HDAC4: variants seen among roughly 807,000 people sequenced by gnomAD.
HDAC4 encodes histone deacetylase A.
A neutral mutation model predicts 135.1 loss-of-function variants in HDAC4; 16 were observed. The observed-to-expected ratio is 0.12, with a 90% CI of 0.08 to 0.18. HDAC4 has a LOEUF of 0.18. Among genes scored for constraint, HDAC4 ranks in the 10% least tolerant of loss-of-function variants. The pLI is 1.00. For synonymous variants in HDAC4, 685 were observed against 653.4 expected (o/e 1.05, Z -0.74); for missense variants, 1,143 against 1,511.8 (o/e 0.76, Z 4.05).
intron 9 of HDAC4, among the ~76,000 whole-genome samples, chr2:239,135,754 C>A (rs1322154948): frequency 1.3e-5 from 2 of 152,214 alleles, no homozygotes; most frequent in Non-Finnish European, 2.9e-5. Flanking sequence ...TGCGGCTTCC[C>A]CGACACCTTG....
At chr2:239,221,440 A>G (rs1264994437) in intron 3 of HDAC4, among the ~76,000 whole-genome samples, 2 of 152,222 alleles carry the variant, frequency 1.3e-5, no homozygotes, top group Non-Finnish European at 2.9e-5. Flanking sequence ...AAAACAAAAA[A>G]GACAGGAGTG....
chr2:239,124,637 C>T lies in HDAC4; in HGVS notation c.1533+1819G>A, dbSNP rs1331912202. On this transcript the variant is annotated intron_variant, in intron 12 of 26. Transcript: ENST00000543185. ...ATTCCGGCGTGCCGGCATGTGGCCG[C>T]ACATCATTCCACGTTATATGACATT... is the stretch of plus-strand genomic sequence containing the variant. Among the ~76,000 whole-genome samples the T allele has an allele frequency of 9.6e-4, 39 of 40,642 alleles. 1 individual carries two copies. The highest frequency in any genetic ancestry group is 4.0e-3 in the African/African-American group (37 of 9,206). 26.7% of individuals were successfully genotyped at this position (40,642 alleles called of 152,430 possible).
At chr2:239,225,609 C>T (rs566992090) in intron 3 of HDAC4, among the ~76,000 whole-genome samples, 6 of 152,186 alleles carry the variant, frequency 3.9e-5, no homozygotes, top group East Asian at 3.9e-4. Context: ...GAAGGCAGGT[C>T]GGCAGGGGAG....
chr2:239,338,393 T>C (rs1178568984), intron 2 of HDAC4, among the ~76,000 whole-genome samples: 2 of 152,014 alleles, frequency 1.3e-5, no homozygotes, highest in Non-Finnish European at 1.5e-5. Flanking sequence ...AAAATCCCTA[T>C]TACAGGAGGC....
intron 2 of HDAC4, among the ~76,000 whole-genome samples, chr2:239,342,373 AAAAGAAAAAACTCCCCC>A (rs1293283463): frequency 6.6e-6 from 1 of 152,210 alleles, no homozygotes; most frequent in Non-Finnish European, 1.5e-5. Context: ...TTGTATACAG[AAAAGAAAAAACTCCCCC>A]AGTTAATGAC....
rs189270704 is a variant in HDAC4 at position 239,107,844 on chromosome 2, G to A, written c.2112+206C>T. On this transcript the variant is annotated intron_variant, in intron 15 of 26. Coordinates refer to ENST00000543185, the MANE Select transcript of HDAC4 (RefSeq NM_001378414.1). ...CAGCAGCTTCCTGCAGGGAGGGTAC[G>A]GGACTCCAGGGAGACAGCCCCGGGC... Among the ~76,000 whole-genome samples the A allele has an allele frequency of 3.7e-3, 562 of 152,324 alleles. 7 individuals carry two copies. Among genetic ancestry groups the A allele is most frequent in the African/African-American group, 0.013 (534 of 41,562 alleles).
chr2:239,120,331 A>C (rs1318408417), intron 12 of HDAC4, among the ~76,000 whole-genome samples: 2 of 152,102 alleles, frequency 1.3e-5, no homozygotes, highest in Admixed American at 1.3e-4. Context: ...CAGGGAGGCC[A>C]CAGAGGCTCA....
chr2:239,147,712 A>G (rs1375248903), intron 7 of HDAC4, among the ~76,000 whole-genome samples: 2 of 152,276 alleles, frequency 1.3e-5, no homozygotes, highest in Non-Finnish European at 2.9e-5. Flanking sequence ...GAAGGATGCC[A>G]ACTGTACTTC....
intron 8 of HDAC4, among the ~76,000 whole-genome samples, chr2:239,143,037 G>A (rs768140551): frequency 6.6e-5 from 10 of 152,260 alleles, no homozygotes; most frequent in South Asian, 6.2e-4. Flanking sequence ...CACTGATCAC[G>A]CCCTGTCACG....
At chr2:239,339,053 T>A (rs1692126019) in intron 2 of HDAC4, among the ~76,000 whole-genome samples, 1 of 152,244 alleles carries the variant, frequency 6.6e-6, no homozygotes, top group Non-Finnish European at 1.5e-5. Flanking sequence ...AAATACAGAA[T>A]CTGGCTTTGA....
chr2:239,121,000 C>CTTT lies in HDAC4; in HGVS notation c.1533+5453_1533+5455dup, dbSNP rs34226161. ...TCTTCTGATGCTTTCCTTTAAATTTCTTTTTTTTTTTTTTTGAGACAGGGT... is the reference window on the plus strand; with the variant it reads ...TCTTCTGATGCTTTCCTTTAAATTTCTTTTTTTTTTTTTTTTTTGAGACAGGGT... On this transcript the variant is annotated intron_variant, in intron 12 of 26. Coordinates refer to ENST00000543185, the MANE Select transcript of HDAC4 (RefSeq NM_001378414.1). Among the ~76,000 whole-genome samples the CTTT allele has an allele frequency of 1.6e-3, 226 of 144,780 alleles. 2 individuals carry two copies. Among genetic ancestry groups the CTTT allele is most frequent in the African/African-American group, 4.5e-3 (174 of 38,614 alleles). 95.0% of individuals were successfully genotyped at this position (144,780 alleles called of 152,430 possible).
intron 17 of HDAC4, chr2:239,094,023 G>C: frequency 1.0e-6 from 1 of 985,420 alleles, no homozygotes; most frequent in Non-Finnish European, 1.2e-6. Context: ...AAACAATTTT[G>C]TTTCATTTCC....
intron 1 of HDAC4, among the ~76,000 whole-genome samples, chr2:239,377,868 C>G (rs1004676142): frequency 1.3e-5 from 2 of 152,300 alleles, no homozygotes; most frequent in Middle Eastern, 3.4e-3. Flanking sequence ...CCGCCACCTT[C>G]TGCTGGGACT....
intron 3 of HDAC4, among the ~76,000 whole-genome samples, chr2:239,212,356 C>T (rs1371844064): frequency 1.3e-5 from 2 of 151,854 alleles, no homozygotes; most frequent in Non-Finnish European, 1.5e-5. Context: ...GGCACTGACC[C>T]GACTCCCTCA....
intron 2 of HDAC4, among the ~76,000 whole-genome samples, chr2:239,329,150 C>T (rs541045756): frequency 3.9e-5 from 6 of 152,046 alleles, no homozygotes; most frequent in Non-Finnish European, 7.4e-5. Flanking sequence ...CCACATCCCC[C>T]CCAGTGCAGC....
Position 239,068,750 on chromosome 2 carries a change from G to T in HDAC4, c.2751-143C>A. Reference sequence around the variant, plus strand: ...GCGGGCTGAGGGCTCCACACAGCAGGCTGGAATCTGGCGACCACGCTTAAT... The same window carrying T: ...GCGGGCTGAGGGCTCCACACAGCAGTCTGGAATCTGGCGACCACGCTTAAT... On this transcript the variant is annotated intron_variant, in intron 22 of 26. Transcript: ENST00000543185. This position sits in a 1 kb window ranked among gnomAD's most constrained non-coding sequence, Gnocchi z 4.4. 1 of 755,398 alleles carries T rather than the reference G, an allele frequency of 1.3e-6. No individual in the cohort carries two copies. The highest frequency in any genetic ancestry group is 2.4e-6 in the Non-Finnish European group (1 of 418,898). The allele number at this position is 755,398 out of a possible 1,614,324, so 46.8% of individuals were successfully genotyped here.
intron 19 of HDAC4, among the ~76,000 whole-genome samples, chr2:239,086,748 C>T (rs189814411): frequency 5.3e-5 from 8 of 152,332 alleles, no homozygotes; most frequent in Non-Finnish European, 1.2e-4. Context: ...CTTGCGTTGC[C>T]ATCTGACAAA....
chr2:239,279,781 A>G (rs2050597627), intron 2 of HDAC4, among the ~76,000 whole-genome samples: 2 of 152,170 alleles, frequency 1.3e-5, no homozygotes, highest in Admixed American at 1.3e-4. Flanking sequence ...AGTGTCCCCT[A>G]CCCTCACCAC....
At chr2:239,175,523 T>C (rs1223755426) in intron 5 of HDAC4, among the ~76,000 whole-genome samples, 2 of 152,174 alleles carry the variant, frequency 1.3e-5, no homozygotes, top group Non-Finnish European at 2.9e-5. Context: ...CTGGATAGTA[T>C]GAAGTGTGGG....
Sources: gnomAD v4.1 joint callset for allele counts (sites outside exome capture counted in the v4.1 genomes callset) on GRCh38, gnomAD v4.1.1 for gene constraint, Gnocchi (gnomAD v3.1) non-coding constraint, MANE v1.5 for transcripts, NCBI Gene and HGNC (gene_info 2026-07-23, HGNC 2026-07-21) for gene names.